The following MTCL2 variants were observed in gnomAD, a reference collection of about 807,000 sequenced individuals.
The protein encoded by MTCL2 is microtubule crosslinking factor 2.
At chr20:36,823,204 A>G in the MTCL2 span, among the ~76,000 whole-genome samples, 1 of 152,210 alleles carries the variant, frequency 6.6e-6, no homozygotes, top group Non-Finnish European at 1.5e-5. Flanking sequence ...GAGAAAACAA[A>G]GAGTGTTTTA....
At chr20:36,817,537 G>T in the MTCL2 span, 1 of 1,446,724 alleles carries the variant, frequency 6.9e-7, no homozygotes, top group Non-Finnish European at 9.3e-7. Context: ...TGATGCACAT[G>T]CAGAGAGCTG....
chr20:36,854,473 G>T, the MTCL2 span, among the ~76,000 whole-genome samples: 1,948 of 152,254 alleles, frequency 0.013, 29 homozygotes, highest in Middle Eastern at 0.034. Context: ...AAGGAGCCGG[G>T]AACTGCAAGC....
the MTCL2 span, among the ~76,000 whole-genome samples, chr20:36,805,691 A>G: frequency 6.6e-6 from 1 of 152,162 alleles, no homozygotes; most frequent in Admixed American, 6.5e-5. Flanking sequence ...CTATGACCCC[A>G]CAGTCCATCA....
chr20:36,862,729 T>C, the MTCL2 span: 2 of 1,495,630 alleles, frequency 1.3e-6, no homozygotes, highest in Non-Finnish European at 1.8e-6. Context: ...CAGTCCAGCA[T>C]CTCCTCGGTG....
chr20:36,839,484 C>T, the MTCL2 span: 13 of 1,584,892 alleles, frequency 8.2e-6, no homozygotes, highest in South Asian at 1.1e-5. The surrounding 1 kb of genome is among the most constrained non-coding windows in gnomAD (Gnocchi z 5.1). Flanking sequence ...CCCACAGTAG[C>T]AGCTAGGAGG....
chr20:36,792,889 C>T, the MTCL2 span, among the ~76,000 whole-genome samples: 622 of 150,518 alleles, frequency 4.1e-3, 7 homozygotes, highest in African/African-American at 0.015. Flanking sequence ...GACAGACAGA[C>T]AGACAGACAG....
chr20:36,808,594 C>A, the MTCL2 span: 1 of 1,611,526 alleles, frequency 6.2e-7, no homozygotes, highest in Non-Finnish European at 8.5e-7. Flanking sequence ...TCATGAAGAG[C>A]AGCAGGAAGT....
chr20:36,839,205 G>A, the MTCL2 span: 10 of 1,583,886 alleles, frequency 6.3e-6, no homozygotes, highest in East Asian at 2.0e-4. The surrounding 1 kb of genome is among the most constrained non-coding windows in gnomAD (Gnocchi z 5.1). Context: ...GGGCACCCGA[G>A]CCCAGGCTGA....
At chr20:36,850,843 C>T in the MTCL2 span, among the ~76,000 whole-genome samples, 1 of 152,230 alleles carries the variant, frequency 6.6e-6, no homozygotes, top group Admixed American at 6.5e-5. Context: ...GAATGATAAA[C>T]TGTGGTACGT....
At chr20:36,807,865 C>CTTTTT in the MTCL2 span, among the ~76,000 whole-genome samples, 3 of 53,510 alleles carry the variant, frequency 5.6e-5, no homozygotes, top group African/African-American at 7.1e-5. Flanking sequence ...GAAACCCTGT[C>CTTTTT]TTTTTTTTTT....
At chr20:36,844,478 A>G in the MTCL2 span, among the ~76,000 whole-genome samples, 2 of 152,182 alleles carry the variant, frequency 1.3e-5, no homozygotes, top group Non-Finnish European at 2.9e-5. Flanking sequence ...AAAAATGGCT[A>G]TCATTGGCCA....
the MTCL2 span, chr20:36,784,235 T>C: frequency 2.6e-5 from 26 of 986,170 alleles, no homozygotes; most frequent in Non-Finnish European, 3.1e-5. Context: ...ACCTCATGGG[T>C]GAGAGCAGCA....
chr20:36,834,045 C>T, the MTCL2 span, among the ~76,000 whole-genome samples: 1 of 151,908 alleles, frequency 6.6e-6, no homozygotes, highest in South Asian at 2.1e-4. Flanking sequence ...TGCCTGTAAT[C>T]CCAGCTACTC....
chr20:36,814,351 A>T, the MTCL2 span, among the ~76,000 whole-genome samples: 1 of 152,256 alleles, frequency 6.6e-6, no homozygotes, highest in African/African-American at 2.4e-5. Context: ...GTGGAAAAAC[A>T]AATATATGAT....
chr20:36,802,893 T>C, the MTCL2 span: 2 of 1,575,502 alleles, frequency 1.3e-6, no homozygotes, highest in Non-Finnish European at 1.7e-6. Flanking sequence ...CACCTGCTGC[T>C]CCACCTGCTG....
the MTCL2 span, among the ~76,000 whole-genome samples, chr20:36,798,311 G>GCC: frequency 6.6e-6 from 1 of 152,150 alleles, no homozygotes; most frequent in African/African-American, 2.4e-5. Context: ...CAGGTGATCC[G>GCC]CCTGCCTCGA....
chr20:36,837,609 A>C, the MTCL2 span, among the ~76,000 whole-genome samples: 2 of 149,882 alleles, frequency 1.3e-5, no homozygotes, highest in Non-Finnish European at 3.0e-5. Flanking sequence ...ACGGAGTCTC[A>C]CTCTGTCACC....
chr20:36,839,468 A>G, the MTCL2 span: 1 of 1,606,466 alleles, frequency 6.2e-7, no homozygotes, highest in South Asian at 1.1e-5. The surrounding 1 kb of genome is among the most constrained non-coding windows in gnomAD (Gnocchi z 5.1). Flanking sequence ...GAGTCAGGTC[A>G]CTGGGCCCAC....
At chr20:36,828,838 T>G in the MTCL2 span, 1 of 525,516 alleles carries the variant, frequency 1.9e-6, no homozygotes. Context: ...CTGGGTGTGT[T>G]TTGTTCACCA....
Sources: allele counts gnomAD v4.1 joint callset (sites outside exome capture counted in the v4.1 genomes callset), GRCh38; gene constraint gnomAD v4.1.1; non-coding constraint Gnocchi (gnomAD v3.1); transcripts MANE v1.5; gene names NCBI Gene and HGNC (gene_info 2026-07-23, HGNC 2026-07-21).